The following MBP variants were observed in gnomAD, a reference collection of about 807,000 sequenced individuals.
The protein encoded by MBP is myelin basic protein.
A neutral mutation model predicts 35.8 loss-of-function variants in MBP; 16 were observed. That is an observed-to-expected ratio of 0.45 (90% CI 0.30 to 0.68). The LOEUF is 0.68. MBP is among the 30% of genes least tolerant of loss of function. The probability of loss-of-function intolerance (pLI) is 0.08; values close to 1 mark genes in which losing one functional copy is unlikely to be tolerated. For missense variants in MBP, 380 were observed against 404.7 expected (o/e 0.94, Z 0.52); for synonymous variants, 143 against 159.6 (o/e 0.90, Z 0.78).
chr18:77,049,242 T>C (rs1022718425), intron 3 of MBP, among the ~76,000 whole-genome samples: 1 of 152,234 alleles, frequency 6.6e-6, no homozygotes, highest in Non-Finnish European at 1.5e-5. Context: ...TTAATCTGTT[T>C]TGTTCACCGA....
intron 2 of MBP, among the ~76,000 whole-genome samples, chr18:77,084,637 T>TAGC (rs2144962120): frequency 6.6e-6 from 1 of 152,260 alleles, no homozygotes; most frequent in South Asian, 2.1e-4. Context: ...AATGCACACA[T>TAGC]AGCTTACCAT....
chr18:77,088,181 A>C (rs572946242), intron 2 of MBP, among the ~76,000 whole-genome samples: 5 of 152,256 alleles, frequency 3.3e-5, no homozygotes, highest in South Asian at 2.1e-4. Context: ...CCTGGGTGCT[A>C]TAAACCACAG....
chr18:77,016,893 A>C lies in MBP; in HGVS notation c.515T>G (p.Leu172Arg). Reference sequence around the variant, plus strand: ...GCCAAAGAAGCGCCCGATGGAGTCAAGGATGCCCGTGTCTCTGTGCCTTGG... The same window carrying C: ...GCCAAAGAAGCGCCCGATGGAGTCACGGATGCCCGTGTCTCTGTGCCTTGG... ...FLPRHRDTGI[L>R]DSIGRFFGGD... Residue 172 changes from leucine (L) to arginine (R), a missense_variant, in exon 4 of 9, where the codon CTT (leucine) becomes CGT (arginine). Transcript: ENST00000355994. 1 of 1,614,226 alleles carries C rather than the reference A, an allele frequency of 6.2e-7. No individual in the cohort carries two copies. Among genetic ancestry groups the C allele is most frequent in the Non-Finnish European group, 8.5e-7 (1 of 1,180,036 alleles).
At position 76,989,247 on chromosome 18, in the gene MBP, G is replaced by A. The variant is rs1338793981; in HGVS notation, c.682-335C>T. Among the ~76,000 whole-genome samples, 2 of 152,184 alleles carry A rather than the reference G, an allele frequency of 1.3e-5. No homozygotes were observed. The highest frequency in any genetic ancestry group is 2.9e-5 in the Non-Finnish European group (2 of 68,032). ...CCGTGAGCCCTTTCCGGGGCTAGGA[G>A]TAGCGGGCCCTCTGACATTCAGAGC... is the stretch of plus-strand genomic sequence containing the variant. On this transcript the variant is annotated intron_variant, in intron 5 of 8. Coordinates refer to ENST00000355994, the MANE Select transcript of MBP (RefSeq NM_001025101.2). This position sits in a 1 kb window ranked among gnomAD's most constrained non-coding sequence, Gnocchi z 4.0.
intron 1 of MBP, chr18:77,113,233 G>A (rs1976535674): frequency 6.6e-6 from 1 of 152,332 alleles, no homozygotes; most frequent in Non-Finnish European, 1.5e-5. Context: ...GCAGCACTGT[G>A]CCTGGTCAAG....
At chr18:77,121,660 C>A (rs774101872) in intron 1 of MBP, among the ~76,000 whole-genome samples, 5 of 152,202 alleles carry the variant, frequency 3.3e-5, no homozygotes, top group Non-Finnish European at 5.9e-5. Context: ...ACTCACAATG[C>A]CTTTCATACA....
chr18:77,124,014 G>A (rs1976965668), intron 1 of MBP, among the ~76,000 whole-genome samples: 1 of 152,138 alleles, frequency 6.6e-6, no homozygotes, highest in Non-Finnish European at 1.5e-5. Flanking sequence ...CCAGCACAGG[G>A]CATTTTGCTC....
intron 4 of MBP, chr18:77,012,973 C>A: frequency 1.0e-6 from 1 of 985,406 alleles, no homozygotes; most frequent in Non-Finnish European, 1.2e-6. Flanking sequence ...CCAGTACAGA[C>A]ACATCCAGTC....
rs753395653 is a variant in MBP, at chr18:76,988,979, C to G, written c.682-67G>C. 6.8e-7 allele frequency: 1 copy of G among 1,480,280 alleles called. No homozygotes were observed. The highest frequency in any genetic ancestry group is 1.7e-5 in the Admixed American group (1 of 59,844). 91.7% of individuals were successfully genotyped at this position (1,480,280 alleles called of 1,614,324 possible). ...GTGCCGCCGTCCATTTCCTAACGGG[C>G]TCCTGCCTGCTGAGGGTGGCTAGCA... is the stretch of plus-strand genomic sequence containing the variant. On this transcript the variant is annotated intron_variant, in intron 5 of 8. Coordinates refer to ENST00000355994, the MANE Select transcript of MBP (RefSeq NM_001025101.2). This position sits in a 1 kb window ranked among gnomAD's most constrained non-coding sequence, Gnocchi z 5.2.
rs1479100005 is a variant in MBP, at chr18:76,988,279, C to T, written c.750+216G>A. On this transcript the variant is annotated intron_variant, in intron 7 of 8. Transcript: ENST00000355994. This position sits in a 1 kb window ranked among gnomAD's most constrained non-coding sequence, Gnocchi z 5.2. ...TGGCCTTGCAGGGCTGGGTCCCCGG[C>T]ACAGAAGCAAGAGACCAGACCTTCC... 1.9e-6 allele frequency: 3 copies of T among 1,551,520 alleles called. No individual in the cohort carries two copies. In the African/African-American group the frequency reaches 4.1e-5, roughly 21 times the overall value.
At chr18:77,081,731 C>T (rs1368112758) in intron 2 of MBP, among the ~76,000 whole-genome samples, 3 of 148,596 alleles carry the variant, frequency 2.0e-5, no homozygotes, top group African/African-American at 7.5e-5. Flanking sequence ...AGAGCTTATA[C>T]AGGGATTTTC....
At position 77,022,517 on chromosome 18, in the gene MBP, G is replaced by A. The variant is rs1972031047; in HGVS notation, c.140-5249C>T. 2.0e-5 allele frequency among the ~76,000 whole-genome samples: 3 copies of A among 149,296 alleles called. No individual in the cohort carries two copies. In the South Asian group the frequency reaches 6.5e-4, roughly 32 times the overall value. On this transcript the variant is annotated intron_variant, in intron 3 of 8. Transcript: ENST00000355994. ...TTGAAAAAGCAACGTGAAGAATACT[G>A]TGGTCAGTACAAAGCTGCAGTTTTT...
At position 76,988,187 on chromosome 18, in the gene MBP, G is replaced by C. The variant is rs1187504340; in HGVS notation, c.750+308C>G. ...GGAAGTTAAACATTTTCTCGGACGTGGTGTTGCTCCCTCCCTGGGAGGGAG... is the reference window on the plus strand; with the variant it reads ...GGAAGTTAAACATTTTCTCGGACGTCGTGTTGCTCCCTCCCTGGGAGGGAG... On this transcript the variant is annotated intron_variant, in intron 7 of 8. Coordinates refer to ENST00000355994, the MANE Select transcript of MBP (RefSeq NM_001025101.2). The surrounding 1 kb of genome is among the most constrained non-coding windows in gnomAD (Gnocchi z 5.2). 26 of 1,545,048 alleles carry C rather than the reference G, an allele frequency of 1.7e-5. No homozygotes were observed. The highest frequency in any genetic ancestry group is 2.2e-5 in the Non-Finnish European group (25 of 1,146,894).
chr18:77,070,221 C>A (rs186349379), intron 2 of MBP, among the ~76,000 whole-genome samples: 4 of 152,154 alleles, frequency 2.6e-5, no homozygotes, highest in Non-Finnish European at 5.9e-5. Context: ...GCAGCTCAGG[C>A]CCTCCCTGCG....
Position 76,988,781 on chromosome 18 carries a change from T to A in MBP, c.717+96A>T, listed in dbSNP as rs1969719741. ...CAACACGTTTTGGGATGGATTCTGG[T>A]AGCTCGGAGCCTAACTCTCTCTTTG... is the stretch of plus-strand genomic sequence containing the variant. On this transcript the variant is annotated intron_variant, in intron 6 of 8. Transcript: ENST00000355994. This position sits in a 1 kb window ranked among gnomAD's most constrained non-coding sequence, Gnocchi z 5.2. The A allele has an allele frequency of 6.9e-7, 1 of 1,443,666 alleles. No homozygotes were observed. The highest frequency in any genetic ancestry group is 9.5e-7 in the Non-Finnish European group (1 of 1,052,536). The allele number at this position is 1,443,666 out of a possible 1,614,324, so 89.4% of individuals were successfully genotyped here.
At chr18:77,130,027 TGACAGAGCAA>T (rs1977186595) in intron 1 of MBP, among the ~76,000 whole-genome samples, 1 of 138,904 alleles carries the variant, frequency 7.2e-6, no homozygotes, top group Admixed American at 7.5e-5. Context: ...CCAGCCTGGG[TGACAGAGCAA>T]GACTCTGTCA....
chr18:77,016,219 G>A, intron 4 of MBP: 1 of 983,452 alleles, frequency 1.0e-6, no homozygotes, highest in Non-Finnish European at 1.2e-6. Flanking sequence ...CTAAGACTCT[G>A]TATGCAAATT....
chr18:77,087,385 T>C (rs1320244628), intron 2 of MBP: 2 of 152,192 alleles, frequency 1.3e-5, no homozygotes, highest in African/African-American at 2.4e-5. Flanking sequence ...CCCACTCCCA[T>C]TTTTTTCTTT....
chr18:77,089,091 A>C (rs1975397004), intron 2 of MBP, among the ~76,000 whole-genome samples: 1 of 152,172 alleles, frequency 6.6e-6, no homozygotes, highest in African/African-American at 2.4e-5. Flanking sequence ...ACATCCTCCC[A>C]CGGGACACAG....
Sources: allele counts gnomAD v4.1 joint callset (sites outside exome capture counted in the v4.1 genomes callset), GRCh38; gene constraint gnomAD v4.1.1; non-coding constraint Gnocchi (gnomAD v3.1); transcripts MANE v1.5; gene names NCBI Gene and HGNC (gene_info 2026-07-23, HGNC 2026-07-21).